Variants in CD1D observed in about 807,000 individuals in gnomAD.
The protein encoded by CD1D is antigen-presenting glycoprotein CD1d.
In CD1D, 40 loss-of-function variants were observed where a neutral mutation model predicts 42.1. The ratio of observed to expected loss-of-function variants is 0.95; its 90% CI spans 0.74 to 1.24. The LOEUF (loss-of-function observed/expected upper bound fraction) is 1.24, where lower values mean the gene tolerates loss of function less well. Among genes scored for constraint, CD1D ranks in the 50% most tolerant of loss-of-function variants. The pLI is 0.00. For synonymous variants in CD1D, 178 were observed against 171.8 expected (o/e 1.04, Z -0.28); for missense variants, 437 against 416.5 (o/e 1.05, Z -0.43).
Position 158,185,967 on chromosome 1 carries a change from C to A in CD1D, c.*1817C>A, listed in dbSNP as rs532846503. On this transcript the variant is annotated 3_prime_UTR_variant, in exon 6 of 6. Transcript: ENST00000674085. ...CTAAGTGAAAAGGACATTGGCCTGG[C>A]GTTAGTCAGGGAAGGCGTCCTGGAG... Among the ~76,000 whole-genome samples the A allele has an allele frequency of 6.6e-6, 1 of 152,104 alleles. No homozygotes were observed. Among genetic ancestry groups the A allele is most frequent in the East Asian group, 1.9e-4 (1 of 5,176 alleles).
intron 3 of CD1D, 22 bp from the exon 4 acceptor site, chr1:158,182,856 C>A (rs368229860): frequency 6.3e-7 from 1 of 1,581,306 alleles, no homozygotes; most frequent in Non-Finnish European, 8.6e-7. Flanking sequence ...TAAGATCCCC[C>A]CCATTCCCTT....
Position 158,183,075 on chromosome 1 carries a change from G to GTGGT in CD1D, c.806_809dup (p.Ala271GlyfsTer57), listed in dbSNP as rs1385437533. 5 of 1,614,082 alleles carry GTGGT rather than the reference G, an allele frequency of 3.1e-6. No homozygotes were observed. Among genetic ancestry groups the GTGGT allele is most frequent in the Non-Finnish European group, 4.2e-6 (5 of 1,180,032 alleles). On this transcript the variant is annotated frameshift_variant, in exon 4 of 6. Transcript: ENST00000674085. LOFTEE classifies it high-confidence loss of function. ...ATGGTATCTCCGAGCAACCCTGGAT[G>GTGGT]TGGTGGCTGGGGAGGCAGCTGGCCT...
Position 158,180,896 on chromosome 1 carries a change from C to T in CD1D, c.-206C>T, listed in dbSNP as rs1648359043. On this transcript the variant is annotated 5_prime_UTR_variant, in exon 1 of 6. Coordinates refer to ENST00000674085, the MANE Select transcript of CD1D (RefSeq NM_001371762.2). ...GATTCCTGGGACCCCGACCTCTTTGCAGCTCGCACAGCTAAGGGCGAGGGC... is the reference window on the plus strand; with the variant it reads ...GATTCCTGGGACCCCGACCTCTTTGTAGCTCGCACAGCTAAGGGCGAGGGC... 2.3e-6 allele frequency: 1 copy of T among 442,802 alleles called. No homozygotes were observed. The highest frequency in any genetic ancestry group is 3.8e-5 in the Admixed American group (1 of 26,382). The allele number at this position is 442,802 out of a possible 1,614,324, so 27.4% of individuals were successfully genotyped here.
Position 158,182,217 on chromosome 1 carries a change from A to G in CD1D, c.514A>G (p.Thr172Ala). The G allele has an allele frequency of 6.2e-7, 1 of 1,614,176 alleles. No homozygotes were observed. The highest frequency in any genetic ancestry group is 8.5e-7 in the Non-Finnish European group (1 of 1,180,020). ...TCAAGTGCTCAACCAGGACAAGTGG[A>G]CGAGGGAAACAGTGCAGTGGCTCCT... ...AIQVLNQDKW[T>A]RETVQWLLNG... Residue 172 changes from threonine (T) to alanine (A), a missense_variant, in exon 3 of 6, where the codon ACG (threonine) becomes GCG (alanine). Thr to Ala is a moderately conservative substitution (Grantham distance 58). Transcript: ENST00000674085.
rs1184551384 is a variant in CD1D at position 158,183,137 on chromosome 1, G to A, written c.867G>A (p.Gln289=). The A allele has an allele frequency of 3.7e-6, 6 of 1,610,252 alleles. No homozygotes were observed. The Admixed American group carries it at 1.0e-4, about 27-fold the overall frequency. Residue 289 remains glutamine, a synonymous_variant, in exon 4 of 6, where the codon CAG becomes CAA. Transcript: ENST00000674085. ...TGAAGCACAGCAGTCTAGAGGGCCAGGACATCGTCCTCTACTGGGGTGAGA... is the reference window on the plus strand; with the variant it reads ...TGAAGCACAGCAGTCTAGAGGGCCAAGACATCGTCCTCTACTGGGGTGAGA... ...CRVKHSSLEG[Q]DIVLYWGGSY...
intron 2 of CD1D, 28 bp downstream of exon 2, chr1:158,181,749 G>A (rs746912541): frequency 3.4e-5 from 55 of 1,601,088 alleles, no homozygotes; most frequent in Non-Finnish European, 4.4e-5. Flanking sequence ...ATCCTGGGCC[G>A]GTACCCAAGG....
At position 158,182,279 on chromosome 1, in the gene CD1D, T is replaced by C. The variant is rs748673738; in HGVS notation, c.576T>C (p.Leu192=). Residue 192 remains leucine, a synonymous_variant, in exon 3 of 6, where the codon CTT becomes CTC. Coordinates refer to ENST00000674085, the MANE Select transcript of CD1D (RefSeq NM_001371762.2). ...GCCCCCAATTTGTCAGTGGCCTCCT[T>C]GAGTCAGGGAAGTCGGAACTGAAGA... is the stretch of plus-strand genomic sequence containing the variant. ...GTCPQFVSGL[L]ESGKSELKKQ... 1 of 1,614,126 alleles carries C rather than the reference T, an allele frequency of 6.2e-7. No individual in the cohort carries two copies. Among genetic ancestry groups the C allele is most frequent in the South Asian group, 1.1e-5 (1 of 91,082 alleles).
chr1:158,185,186 C>G lies in CD1D; in HGVS notation c.*1036C>G, dbSNP rs1273892157. Among the ~76,000 whole-genome samples, 1 of 152,190 alleles carries G rather than the reference C, an allele frequency of 6.6e-6. No individual in the cohort carries two copies. The highest frequency in any genetic ancestry group is 1.5e-5 in the Non-Finnish European group (1 of 68,026). Reference sequence around the variant, plus strand: ...CAGAGCAGGAAACTTACAGGGGTAGCAGACCTTTCTGATGCCAAAGAAATA... The same window carrying G: ...CAGAGCAGGAAACTTACAGGGGTAGGAGACCTTTCTGATGCCAAAGAAATA... On this transcript the variant is annotated 3_prime_UTR_variant, in exon 6 of 6. Transcript: ENST00000674085.
chr1:158,178,044 G>A (rs897832188), upstream of CD1D, among the ~76,000 whole-genome samples: 2 of 152,216 alleles, frequency 1.3e-5, no homozygotes, highest in African/African-American at 4.8e-5. Flanking sequence ...CTGGAGTTTT[G>A]CTCCTGGGAC....
chr1:158,181,368 TCTC>T (rs1393652302), intron 1 of CD1D, 84 bp from the exon 2 acceptor site: 9 of 1,549,270 alleles, frequency 5.8e-6, no homozygotes, highest in Admixed American at 1.7e-5. Flanking sequence ...CTGAAGCTCA[TCTC>T]CTCTTGTTTC....
Position 158,181,123 on chromosome 1 carries a change from C to T in CD1D, c.22C>T (p.Leu8=), listed in dbSNP as rs898883692. The change falls in exon 1 of 6, where the codon CTG becomes TTG. Residue 8 remains leucine (L), a synonymous_variant. Transcript: ENST00000674085. ...CGATATGGGGTGCCTGCTGTTTCTGCTGCTCTGGGCGCTCCTCCAGGCTTG... is the reference window on the plus strand; with the variant it reads ...CGATATGGGGTGCCTGCTGTTTCTGTTGCTCTGGGCGCTCCTCCAGGCTTG... The part of the protein sequence containing the change: MGCLLFL[L]LWALLQAWGS... 1.9e-6 allele frequency: 3 copies of T among 1,548,432 alleles called. No individual in the cohort carries two copies. Among genetic ancestry groups the T allele is most frequent in the African/African-American group, 1.4e-5 (1 of 72,938 alleles).
chr1:158,179,895 T>C (rs1033185381), upstream of CD1D: 2 of 152,138 alleles, frequency 1.3e-5, no homozygotes, highest in African/African-American at 4.8e-5. Flanking sequence ...TGTCAAAAGG[T>C]AGACACCAGG....
chr1:158,182,343 C>CT, intron 3 of CD1D, 33 bp downstream of exon 3: 1 of 1,610,894 alleles, frequency 6.2e-7, no homozygotes, highest in Non-Finnish European at 8.5e-7. Context: ...CTGCATTCCA[C>CT]TTCAGGGCTC....
At position 158,186,420 on chromosome 1, in the gene CD1D, C is replaced by T. The variant is rs1648704010; in HGVS notation, c.*2270C>T. On this transcript the variant is annotated 3_prime_UTR_variant, in exon 6 of 6. Coordinates refer to ENST00000674085, the MANE Select transcript of CD1D (RefSeq NM_001371762.2). ...ATTTAGAAAATAAAGGCTTATCTCT[C>T]CAGGAAATTTTTTCTTCCTTCAAAT... Among the ~76,000 whole-genome samples the T allele has an allele frequency of 6.6e-6, 1 of 152,150 alleles. No individual in the cohort carries two copies. The highest frequency in any genetic ancestry group is 2.4e-5 in the African/African-American group (1 of 41,436).
intron 4 of CD1D, 40 bp from the exon 5 acceptor site, chr1:158,183,896 G>A (rs1472877016): frequency 6.8e-7 from 1 of 1,468,562 alleles, no homozygotes; most frequent in African/African-American, 1.4e-5. Flanking sequence ...TGTAGAGAGG[G>A]GTCCTGTGCT....
chr1:158,180,589 C>A (rs1405768187), upstream of CD1D, among the ~76,000 whole-genome samples: 2 of 152,150 alleles, frequency 1.3e-5, no homozygotes, highest in Non-Finnish European at 2.9e-5. Context: ...GTGGTACTTG[C>A]ACTTGAGAAA....
chr1:158,179,206 C>T (rs859006), upstream of CD1D, among the ~76,000 whole-genome samples: 2,346 of 152,292 alleles, frequency 0.015, 32 homozygotes, highest in African/African-American at 0.035. Flanking sequence ...TTTCTCATAG[C>T]TTCCCTCCTA....
chr1:158,181,222 A>T, intron 1 of CD1D, 60 bp downstream of exon 1: 1 of 1,511,622 alleles, frequency 6.6e-7, no homozygotes, highest in Non-Finnish European at 9.0e-7. Context: ...GGAGCTGGGT[A>T]GGGACGGGGA....
upstream of CD1D, among the ~76,000 whole-genome samples, chr1:158,178,245 A>G (rs939397242): frequency 6.6e-6 from 1 of 152,218 alleles, no homozygotes; most frequent in Non-Finnish European, 1.5e-5. Flanking sequence ...ACTATGAGCA[A>G]TTGCACTTGA....
Sources: allele counts gnomAD v4.1 joint callset (sites outside exome capture counted in the v4.1 genomes callset), GRCh38; gene constraint gnomAD v4.1.1; transcripts MANE v1.5; gene names NCBI Gene and HGNC (gene_info 2026-07-23, HGNC 2026-07-21).